Variants in SWT1 observed in about 807,000 individuals in gnomAD.
SWT1 encodes SWT1 RNA endoribonuclease homolog.
In SWT1, 33 loss-of-function variants were observed where a neutral mutation model predicts 107.3. That is an observed-to-expected ratio of 0.31 (90% CI 0.23 to 0.41). The LOEUF (loss-of-function observed/expected upper bound fraction) is 0.41. Among genes scored for constraint, SWT1 ranks in the 10% least tolerant of loss-of-function variants. The pLI is 1.00. For synonymous variants in SWT1, 345 were observed against 348.3 expected (o/e 0.99, Z 0.11); for missense variants, 898 against 1,028.9 (o/e 0.87, Z 1.74).
At chr1:185,222,109 A>G (rs1193041999) in intron 15 of SWT1, 73 bp downstream of exon 15, 2 of 1,042,576 alleles carry the variant, frequency 1.9e-6, no homozygotes, top group Non-Finnish European at 2.6e-6. Flanking sequence ...TTTACAGGGT[A>G]CAATTTGATG....
In SWT1 at chr1:185,183,272, TTTTG is replaced by T. The variant is rs1024036287; in HGVS notation, c.1139-961_1139-958del. On this transcript the variant is annotated intron_variant, in intron 7 of 18. Coordinates refer to ENST00000367500, the MANE Select transcript of SWT1 (RefSeq NM_017673.7). Reference sequence around the variant, plus strand: ...GCTAGAATTATTATGTTTTTTCTTTTTTTGTTTGTTTGTGGGTTTTTCTTTTGTT... The same window carrying T: ...GCTAGAATTATTATGTTTTTTCTTTTTTTGTTTGTGGGTTTTTCTTTTGTT... 2.8e-4 allele frequency among the ~76,000 whole-genome samples: 42 copies of T among 152,302 alleles called. No individual in the cohort carries two copies. The East Asian group carries it at 4.2e-3, about 15-fold the overall frequency.
chr1:185,288,180 T>C (rs935109182), intron 18 of SWT1, among the ~76,000 whole-genome samples: 1 of 152,178 alleles, frequency 6.6e-6, no homozygotes, highest in Non-Finnish European at 1.5e-5. Flanking sequence ...CATAGCCCTA[T>C]TTTTAAACTT....
At chr1:185,197,021 G>T (rs1657451188) in intron 10 of SWT1, among the ~76,000 whole-genome samples, 1 of 152,132 alleles carries the variant, frequency 6.6e-6, no homozygotes, top group African/African-American at 2.4e-5. Flanking sequence ...GGGCATCCTT[G>T]TTTTGTGCCG....
chr1:185,239,875 T>G (rs1165539846), intron 16 of SWT1, among the ~76,000 whole-genome samples: 1 of 152,068 alleles, frequency 6.6e-6, no homozygotes, highest in African/African-American at 2.4e-5. Flanking sequence ...GGAACAAAAT[T>G]AATTGGAGAG....
chr1:185,277,369 A>G (rs1195469881), intron 18 of SWT1, among the ~76,000 whole-genome samples: 1 of 151,996 alleles, frequency 6.6e-6, no homozygotes, highest in African/African-American at 2.4e-5. Flanking sequence ...GCTCATTGCA[A>G]CCTCTGCCTC....
In SWT1 at chr1:185,175,079, G is replaced by A; in HGVS notation, c.932G>A (p.Ser311Asn). 1 of 1,573,212 alleles carries A rather than the reference G, an allele frequency of 6.4e-7. No homozygotes were observed. The highest frequency in any genetic ancestry group is 8.6e-7 in the Non-Finnish European group (1 of 1,161,662). ...KRKHHYDHQE[S>N]NDSHSRENLT... ...AAACATCATTATGACCATCAAGAAA[G>A]TAATGATTCACATTCTAGGGAAAAC... Residue 311 changes from serine (S) to asparagine (N), a missense_variant, in exon 5 of 19, where the codon AGT (serine) becomes AAT (asparagine). Coordinates refer to ENST00000367500, the MANE Select transcript of SWT1 (RefSeq NM_017673.7).
chr1:185,196,213 C>T (rs1657375344), intron 10 of SWT1, among the ~76,000 whole-genome samples: 1 of 152,178 alleles, frequency 6.6e-6, no homozygotes, highest in Non-Finnish European at 1.5e-5. Flanking sequence ...CTGCATATGG[C>T]TAGCCAGTTT....
At chr1:185,254,661 CTTCT>C (rs1158536930) in intron 16 of SWT1, among the ~76,000 whole-genome samples, 2 of 151,876 alleles carry the variant, frequency 1.3e-5, no homozygotes, top group African/African-American at 4.8e-5. Flanking sequence ...CTATTTGATT[CTTCT>C]TTCTTTTTTT....
intron 16 of SWT1, among the ~76,000 whole-genome samples, chr1:185,242,059 A>G (rs796713757): frequency 4.5e-4 from 69 of 152,292 alleles, no homozygotes; most frequent in African/African-American, 1.6e-3. Context: ...AAATAGGGCT[A>G]GTAGAAGGAA....
At chr1:185,233,183 C>T (rs1571573157) in intron 16 of SWT1, among the ~76,000 whole-genome samples, 1 of 152,120 alleles carries the variant, frequency 6.6e-6, no homozygotes, top group South Asian at 2.1e-4. Context: ...AAGTGATTCT[C>T]AGCCCTAGTG....
At chr1:185,214,740 T>C (rs1182460760) in intron 14 of SWT1, 85 bp downstream of exon 14, 3 of 1,142,062 alleles carry the variant, frequency 2.6e-6, no homozygotes, top group African/African-American at 3.2e-5. Context: ...AGGTAAAGGA[T>C]AATTTAATTC....
intron 9 of SWT1, among the ~76,000 whole-genome samples, 154 bp from the exon 10 acceptor site, chr1:185,190,395 A>G (rs187073825): frequency 9.2e-5 from 14 of 152,314 alleles, no homozygotes; most frequent in Non-Finnish European, 2.1e-4. Context: ...GATTTGGACA[A>G]ATGTATAATG....
At chr1:185,274,132 T>C (rs1178694192) in intron 17 of SWT1, among the ~76,000 whole-genome samples, 1 of 152,006 alleles carries the variant, frequency 6.6e-6, no homozygotes, top group Non-Finnish European at 1.5e-5. Flanking sequence ...ACTTATTAAT[T>C]ATAAGAATAT....
chr1:185,268,518 C>G (rs928734196), intron 16 of SWT1, among the ~76,000 whole-genome samples: 2 of 152,090 alleles, frequency 1.3e-5, no homozygotes, highest in Admixed American at 6.6e-5. Context: ...TACTCTGGAT[C>G]GTTCACCATT....
At position 185,276,743 on chromosome 1, in the gene SWT1, G is replaced by T. The variant is rs1379895438; in HGVS notation, c.2573+75G>T. The T allele has an allele frequency of 1.1e-5, 8 of 703,196 alleles. No individual in the cohort carries two copies. The Admixed American group carries it at 1.9e-4, about 17-fold the overall frequency. 43.6% of individuals were successfully genotyped at this position (703,196 alleles called of 1,614,324 possible). A position where few individuals can be genotyped will look rare whatever the true frequency, so the allele number is the denominator to read the frequency against. On this transcript the variant is annotated intron_variant, in intron 18 of 18. Coordinates refer to ENST00000367500, the MANE Select transcript of SWT1 (RefSeq NM_017673.7). ...TATACAGCAGCACTTGGTGGTGGTG[G>T]TGGTGGTGATGTGTTTTTTCATTGT... is the stretch of plus-strand genomic sequence containing the variant.
intron 15 of SWT1, among the ~76,000 whole-genome samples, chr1:185,230,315 G>C (rs1660418369): frequency 6.6e-6 from 1 of 152,200 alleles, no homozygotes; most frequent in African/African-American, 2.4e-5. Flanking sequence ...TTTGCTCACA[G>C]ACCTGGAGGC....
chr1:185,205,156 A>G (rs751510187), intron 12 of SWT1, among the ~76,000 whole-genome samples: 6 of 152,132 alleles, frequency 3.9e-5, no homozygotes, highest in African/African-American at 7.2e-5. Context: ...AAACTTGTCT[A>G]TTTAATTTGA....
rs552910893 is a variant in SWT1, at chr1:185,227,379, C to T, written c.2310-4198C>T. On this transcript the variant is annotated intron_variant, in intron 15 of 18. Coordinates refer to ENST00000367500, the MANE Select transcript of SWT1 (RefSeq NM_017673.7). ...CATGCCAAACCTATTGAGAAGCCTGCGGGCCAGCAGCAGGCCAGTACAATA... is the reference window on the plus strand; with the variant it reads ...CATGCCAAACCTATTGAGAAGCCTGTGGGCCAGCAGCAGGCCAGTACAATA... 4.4e-5 allele frequency: 31 copies of T among 708,102 alleles called. No homozygotes were observed. In the Middle Eastern group the frequency reaches 1.2e-3, roughly 27 times the overall value. 43.9% of individuals were successfully genotyped at this position (708,102 alleles called of 1,614,324 possible).
At chr1:185,276,519 C>A in intron 17 of SWT1, 85 bp from the exon 18 acceptor site, 1 of 674,738 alleles carries the variant, frequency 1.5e-6, no homozygotes, top group Non-Finnish European at 2.4e-6. Flanking sequence ...TTGAACTTTC[C>A]TCTCAGAATA....
Sources: allele counts gnomAD v4.1 joint callset (sites outside exome capture counted in the v4.1 genomes callset), GRCh38; gene constraint gnomAD v4.1.1; transcripts MANE v1.5; gene names NCBI Gene and HGNC (gene_info 2026-07-23, HGNC 2026-07-21).